ASAP2: variants seen among roughly 807,000 people sequenced by gnomAD.
ASAP2 encodes arf-GAP with SH3 domain, ANK repeat and PH domain-containing protein 2.
In ASAP2, 45 loss-of-function variants were observed where a neutral mutation model predicts 131.4. That is an observed-to-expected ratio of 0.34 (90% CI 0.27 to 0.44). The LOEUF (loss-of-function observed/expected upper bound fraction) is 0.44. Among genes scored for constraint, ASAP2 ranks in the 20% least tolerant of loss-of-function variants. The pLI, the probability that ASAP2 is intolerant of heterozygous loss-of-function variation, is 1.00. For missense variants in ASAP2, 1,011 were observed against 1,297.0 expected, an observed-to-expected ratio of 0.78 and a Z score of 3.39; for synonymous variants, 510 against 503.0, an observed-to-expected ratio of 1.01 and a Z score of -0.19.
At chr2:9,362,996 A>G (rs1170929636) in intron 15 of ASAP2, among the ~76,000 whole-genome samples, 1 of 151,972 alleles carries the variant, frequency 6.6e-6, no homozygotes, top group Non-Finnish European at 1.5e-5. Context: ...TCTGCTCTCT[A>G]CTTCTATGAG....
At chr2:9,246,457 T>G in intron 1 of ASAP2, among the ~76,000 whole-genome samples, 1 of 152,116 alleles carries the variant, frequency 6.6e-6, no homozygotes, top group East Asian at 1.9e-4. Context: ...TGGCTAATTT[T>G]TTAAAACAAT....
chr2:9,381,637 A>C (rs1014225521), intron 20 of ASAP2, among the ~76,000 whole-genome samples: 1 of 152,212 alleles, frequency 6.6e-6, no homozygotes, highest in Non-Finnish European at 1.5e-5. Flanking sequence ...CCAGGAGGCT[A>C]AGGTAGGAGG....
intron 1 of ASAP2, among the ~76,000 whole-genome samples, chr2:9,265,711 T>TTG (rs140189620): frequency 2.1e-3 from 321 of 151,440 alleles, no homozygotes; most frequent in African/African-American, 5.7e-3. Flanking sequence ...CTTTTACAAT[T>TTG]TGTGTGTGTG....
chr2:9,332,485 C>T (rs371966280), intron 7 of ASAP2, among the ~76,000 whole-genome samples: 11 of 152,296 alleles, frequency 7.2e-5, no homozygotes, highest in African/African-American at 2.6e-4. Context: ...AAATCTAAAT[C>T]TAAATCCAAA....
intron 14 of ASAP2, among the ~76,000 whole-genome samples, chr2:9,357,409 G>A (rs1672790986): frequency 6.6e-6 from 1 of 152,112 alleles, no homozygotes; most frequent in African/African-American, 2.4e-5. Flanking sequence ...AATCCAGGTG[G>A]CAGAGGTTGC....
At chr2:9,240,042 G>A (rs2666209) in intron 1 of ASAP2, among the ~76,000 whole-genome samples, 83,400 of 151,882 alleles carry the variant, frequency 0.55, 24,184 homozygotes, top group African/African-American at 0.75. Context: ...TTAAGTCAGG[G>A]TGAAAAAACT....
At chr2:9,400,263 T>C (rs866699717) in intron 25 of ASAP2, among the ~76,000 whole-genome samples, 191 bp downstream of exon 25, 4,514 of 27,742 alleles carry the variant, frequency 0.16, 35 homozygotes, top group Middle Eastern at 0.25. Context: ...CCTCCTGCCC[T>C]CTTCCTCTCC....
At chr2:9,228,009 C>T (rs993689636) in intron 1 of ASAP2, among the ~76,000 whole-genome samples, 29 of 152,102 alleles carry the variant, frequency 1.9e-4, no homozygotes, top group African/African-American at 6.8e-4. Context: ...TTTATAATAA[C>T]CAGATAATAG....
At chr2:9,328,613 G>A (rs149291290) in intron 7 of ASAP2, among the ~76,000 whole-genome samples, 3 of 152,308 alleles carry the variant, frequency 2.0e-5, no homozygotes, top group East Asian at 1.9e-4. Context: ...AGGATTCCAC[G>A]TGCAGGGGCT....
At chr2:9,364,963 C>T (rs1436993389) in intron 15 of ASAP2, among the ~76,000 whole-genome samples, 3 of 152,134 alleles carry the variant, frequency 2.0e-5, no homozygotes, top group Admixed American at 1.3e-4. Context: ...CTATCAGACT[C>T]CAGAGCCTGT....
At chr2:9,399,761 C>T (rs1274256046) in intron 24 of ASAP2, 5 of 531,228 alleles carry the variant, frequency 9.4e-6, no homozygotes, top group Non-Finnish European at 1.7e-5. Context: ...TCACTCCAGA[C>T]CCTGGCCATC....
At chr2:9,360,918 T>A (rs1036918324) in intron 15 of ASAP2, among the ~76,000 whole-genome samples, 2 of 152,304 alleles carry the variant, frequency 1.3e-5, no homozygotes, top group Non-Finnish European at 2.9e-5. Context: ...GACCCCACCA[T>A]CTGTTATAAT....
chr2:9,292,443 A>G (rs1165589421), intron 2 of ASAP2, among the ~76,000 whole-genome samples: 2 of 152,146 alleles, frequency 1.3e-5, no homozygotes, highest in Admixed American at 1.3e-4. Context: ...ACTTGAACCC[A>G]GGAGTTGGAG....
chr2:9,208,591 T>G (rs766754902), intron 1 of ASAP2, among the ~76,000 whole-genome samples: 3 of 152,192 alleles, frequency 2.0e-5, no homozygotes, highest in Admixed American at 6.5e-5. Flanking sequence ...TGGGTAGCCT[T>G]CCTTCTCTCC....
intron 2 of ASAP2, among the ~76,000 whole-genome samples, chr2:9,291,112 C>T (rs1667779821): frequency 6.6e-6 from 1 of 152,146 alleles, no homozygotes; most frequent in Admixed American, 6.5e-5. Context: ...CATAATATTC[C>T]ATTTTGTAGA....
intron 4 of ASAP2, 131 bp downstream of exon 4, chr2:9,318,729 T>C: frequency 3.5e-6 from 2 of 575,442 alleles, no homozygotes; most frequent in Non-Finnish European, 6.1e-6. Flanking sequence ...TTATCTCAGC[T>C]TCCTCTGATT....
At chr2:9,369,322 G>T (rs1415432404) in intron 16 of ASAP2, among the ~76,000 whole-genome samples, 1 of 152,222 alleles carries the variant, frequency 6.6e-6, no homozygotes, top group South Asian at 2.1e-4. Flanking sequence ...CCTGGCCAGC[G>T]GAGAAGCTTT....
chr2:9,393,390 C>G, intron 23 of ASAP2, 92 bp from the exon 24 acceptor site: 2 of 1,163,844 alleles, frequency 1.7e-6, no homozygotes, highest in Non-Finnish European at 2.3e-6. Flanking sequence ...CAATAAAAAA[C>G]TGAAGCCCTT....
At chr2:9,342,747 G>A (rs148895137) in intron 9 of ASAP2, among the ~76,000 whole-genome samples, 6 of 152,146 alleles carry the variant, frequency 3.9e-5, no homozygotes, top group Admixed American at 1.3e-4. Context: ...GGATGCAGTC[G>A]AAACTCTGAC....
Sources: allele counts gnomAD v4.1 joint callset (sites outside exome capture counted in the v4.1 genomes callset), GRCh38; gene constraint gnomAD v4.1.1; transcripts MANE v1.5; gene names NCBI Gene and HGNC (gene_info 2026-07-23, HGNC 2026-07-21).